Variants in RBMS1 observed in about 807,000 individuals in gnomAD.
RBMS1 encodes RNA binding motif single stranded interacting protein 1, also known as RNA-binding motif, single-stranded-interacting protein 1.
In RBMS1, 17 loss-of-function variants were observed where a neutral mutation model predicts 62.3. The ratio of observed to expected loss-of-function variants is 0.27; its 90% CI spans 0.19 to 0.41. The LOEUF (loss-of-function observed/expected upper bound fraction) is 0.41. Among genes scored for constraint, RBMS1 ranks in the 10% least tolerant of loss-of-function variants. The probability of loss-of-function intolerance (pLI) is 1.00; values close to 1 mark genes in which losing one functional copy is unlikely to be tolerated. For synonymous variants in RBMS1, 172 were observed against 170.0 expected, an observed-to-expected ratio of 1.01 and a Z score of -0.09; for missense variants, 334 against 504.5, an observed-to-expected ratio of 0.66 and a Z score of 3.24.
chr2:160,331,114 C>T (rs1319945541), intron 2 of RBMS1, among the ~76,000 whole-genome samples: 3 of 152,136 alleles, frequency 2.0e-5, no homozygotes, highest in African/African-American at 7.2e-5. Flanking sequence ...GCCCTGCTGA[C>T]ACCTTAATTT....
chr2:160,469,663 T>C (rs1055460962), intron 1 of RBMS1, among the ~76,000 whole-genome samples: 9 of 152,312 alleles, frequency 5.9e-5, no homozygotes, highest in East Asian at 5.8e-4. Context: ...CAGGACTTTA[T>C]TGGTATTCTG....
intron 1 of RBMS1, among the ~76,000 whole-genome samples, chr2:160,426,305 G>GGAAA (rs1682610971): frequency 1.6e-5 from 1 of 61,694 alleles, no homozygotes; most frequent in East Asian, 8.7e-4. Context: ...AAAGAAGGAA[G>GGAAA]GAAGGAAGGA....
chr2:160,426,280 A>AG (rs1682594996), intron 1 of RBMS1, among the ~76,000 whole-genome samples: 5 of 122,146 alleles, frequency 4.1e-5, no homozygotes, highest in Admixed American at 1.7e-4. Flanking sequence ...AAAGAAAGAA[A>AG]GAAAGAAAGA....
chr2:160,327,161 C>G (rs1005804503), intron 2 of RBMS1, among the ~76,000 whole-genome samples: 4 of 152,174 alleles, frequency 2.6e-5, no homozygotes, highest in African/African-American at 9.7e-5. Flanking sequence ...ATCTACATAC[C>G]TGATTTTTCA....
chr2:160,463,596 C>G (rs1316048983), intron 1 of RBMS1, among the ~76,000 whole-genome samples: 3 of 152,150 alleles, frequency 2.0e-5, no homozygotes, highest in Admixed American at 2.0e-4. Context: ...ACCAGCCTGG[C>G]TAACATGGTG....
chr2:160,278,519 G>A (rs1285660755), intron 11 of RBMS1, 29 bp downstream of exon 11: 1 of 1,554,514 alleles, frequency 6.4e-7, no homozygotes, highest in Admixed American at 1.7e-5. Flanking sequence ...TCTGTTTACA[G>A]AGACACATGA....
chr2:160,407,561 C>T (rs1007076221), intron 1 of RBMS1: 47 of 983,294 alleles, frequency 4.8e-5, no homozygotes, highest in Non-Finnish European at 5.7e-5. Context: ...CGGGTGCGGG[C>T]GCGGGCGCGG....
intron 2 of RBMS1, among the ~76,000 whole-genome samples, chr2:160,337,733 C>T (rs78869959): frequency 6.6e-6 from 1 of 152,072 alleles, no homozygotes; most frequent in African/African-American, 2.4e-5. Context: ...AGCCAATTGA[C>T]CCTGCAGATC....
intron 2 of RBMS1, among the ~76,000 whole-genome samples, chr2:160,336,476 T>C (rs1691577209): frequency 6.6e-6 from 1 of 151,986 alleles, no homozygotes; most frequent in South Asian, 2.1e-4. Flanking sequence ...CAAATACACA[T>C]TCCCCACCTT....
intron 2 of RBMS1, among the ~76,000 whole-genome samples, chr2:160,357,221 A>T (rs993902446): frequency 5.9e-5 from 9 of 152,206 alleles, no homozygotes; most frequent in South Asian, 2.1e-4. Context: ...GGTGATTTTT[A>T]AAAAAATTCT....
chr2:160,343,350 C>T (rs547686130), intron 2 of RBMS1, among the ~76,000 whole-genome samples: 1 of 152,338 alleles, frequency 6.6e-6, no homozygotes, highest in East Asian at 1.9e-4. Context: ...AAGAAGTCTA[C>T]ATTAAAATGA....
chr2:160,311,228 CTATCTATATATATATATAT>C (rs1689860815), intron 4 of RBMS1, among the ~76,000 whole-genome samples: 2 of 95,944 alleles, frequency 2.1e-5, no homozygotes, highest in Non-Finnish European at 4.2e-5. Flanking sequence ...ATCTATCTAT[CTATCTATATATATATATAT>C]ATATATATAT....
intron 1 of RBMS1, among the ~76,000 whole-genome samples, chr2:160,480,177 A>G (rs1685307656): frequency 6.6e-6 from 1 of 152,176 alleles, no homozygotes. Context: ...CTAATTTTCA[A>G]TTTATTATTA....
chr2:160,292,402 C>T (rs1688728609), intron 6 of RBMS1, among the ~76,000 whole-genome samples: 1 of 152,156 alleles, frequency 6.6e-6, no homozygotes, highest in Admixed American at 6.5e-5. Flanking sequence ...AATTATGGCT[C>T]CTCCTCTTGT....
chr2:160,467,142 G>A (rs1202038395), intron 1 of RBMS1, among the ~76,000 whole-genome samples: 1 of 151,608 alleles, frequency 6.6e-6, no homozygotes, highest in Non-Finnish European at 1.5e-5. Flanking sequence ...AAGTCAGGAG[G>A]ACATTCTAGT....
At chr2:160,412,097 C>T (rs1423505231) in intron 1 of RBMS1, among the ~76,000 whole-genome samples, 1 of 152,146 alleles carries the variant, frequency 6.6e-6, no homozygotes, top group Non-Finnish European at 1.5e-5. Flanking sequence ...TGAGCAGTAT[C>T]AGAGATCACT....
chr2:160,443,677 T>C (rs563579155), intron 1 of RBMS1, among the ~76,000 whole-genome samples: 7 of 152,314 alleles, frequency 4.6e-5, no homozygotes, highest in South Asian at 2.1e-4. Flanking sequence ...CAGATGCCGA[T>C]GCCATGCTTC....
At chr2:160,407,588 C>A in intron 1 of RBMS1, 1 of 982,788 alleles carries the variant, frequency 1.0e-6, no homozygotes, top group Non-Finnish European at 1.2e-6. Context: ...GGCAGCCTCG[C>A]CGCGAGGGGG....
At chr2:160,448,476 G>C (rs942304613) in intron 1 of RBMS1, among the ~76,000 whole-genome samples, 1 of 152,186 alleles carries the variant, frequency 6.6e-6, no homozygotes, top group Non-Finnish European at 1.5e-5. Context: ...TGCATTTTTT[G>C]ATGGAGACGG....
Sources: allele counts gnomAD v4.1 joint callset (sites outside exome capture counted in the v4.1 genomes callset), GRCh38; gene constraint gnomAD v4.1.1; transcripts MANE v1.5; gene names NCBI Gene and HGNC (gene_info 2026-07-23, HGNC 2026-07-21).